The following NPAT variants were observed in gnomAD, a reference collection of about 807,000 sequenced individuals.
The protein encoded by NPAT is nuclear protein, coactivator of histone transcription.
A neutral mutation model predicts 130.7 loss-of-function variants in NPAT; 52 were observed. The ratio of observed to expected loss-of-function variants is 0.40; its 90% CI spans 0.32 to 0.50. The LOEUF (loss-of-function observed/expected upper bound fraction) is 0.50. NPAT is among the 20% of genes least tolerant of loss of function. NPAT has a pLI of 0.68. For synonymous variants in NPAT, 580 were observed against 584.8 expected, an observed-to-expected ratio of 0.99 and a Z score of 0.12; for missense variants, 1,687 against 1,662.6, an observed-to-expected ratio of 1.01 and a Z score of -0.26.
At chr11:108,214,094 G>A (rs1328738677) in intron 1 of NPAT, among the ~76,000 whole-genome samples, 1 of 152,106 alleles carries the variant, frequency 6.6e-6, no homozygotes. Flanking sequence ...GGGTGTCTCA[G>A]TATGCTGCCC....
intron 1 of NPAT, among the ~76,000 whole-genome samples, chr11:108,198,432 T>C (rs998930868): frequency 2.0e-5 from 3 of 152,166 alleles, no homozygotes; most frequent in Non-Finnish European, 4.4e-5. Context: ...TAGAAAATTA[T>C]GAGAATAATC....
rs772693402 is a variant in NPAT at position 108,161,894 on chromosome 11, G to C, written c.3192C>G (p.Leu1064=). Residue 1064 remains leucine, a synonymous_variant, in exon 17 of 18, where the codon CTC becomes CTG. Transcript: ENST00000278612. ...PAAKPCHRRV[L]CFDSTTAPVA... ...CAGGAGCAGTAGTGCTGTCGAAACA[G>C]AGTACACGTCTGTGGCATGGTTTAG... 2 of 1,613,932 alleles carry C rather than the reference G, an allele frequency of 1.2e-6. No homozygotes were observed. Among genetic ancestry groups the C allele is most frequent in the Non-Finnish European group, 1.7e-6 (2 of 1,179,918 alleles).
At chr11:108,167,785 T>C (rs1229406417) in intron 15 of NPAT, among the ~76,000 whole-genome samples, 1 of 152,230 alleles carries the variant, frequency 6.6e-6, no homozygotes, top group Middle Eastern at 3.2e-3. Flanking sequence ...TGTTTTTTTC[T>C]GGTATCAACT....
At chr11:108,207,211 G>T (rs755760613) in intron 1 of NPAT, among the ~76,000 whole-genome samples, 3 of 152,240 alleles carry the variant, frequency 2.0e-5, no homozygotes, top group Non-Finnish European at 4.4e-5. Context: ...TGAGTCTGGG[G>T]TTTTTATGGA....
At chr11:108,188,244 G>A in intron 6 of NPAT, 65 bp from the exon 7 acceptor site, 1 of 1,165,878 alleles carries the variant, frequency 8.6e-7, no homozygotes, top group Non-Finnish European at 1.3e-6. Flanking sequence ...CTTGTAATGG[G>A]ATAAAAAGCA....
chr11:108,213,554 C>A (rs1483212864), intron 1 of NPAT, among the ~76,000 whole-genome samples: 1 of 152,144 alleles, frequency 6.6e-6, no homozygotes, highest in Non-Finnish European at 1.5e-5. Context: ...CTGAAAGGTT[C>A]AATATTGTTA....
chr11:108,222,540 C>G lies in NPAT; in HGVS notation c.-4G>C, dbSNP rs758245923. The G allele has an allele frequency of 6.2e-7, 1 of 1,613,896 alleles. No homozygotes were observed. Among genetic ancestry groups the G allele is most frequent in the Non-Finnish European group, 8.5e-7 (1 of 1,179,928 alleles). ...CTACGTCCGAGGGTAACAACATGATCAAAACCACAGCAGGAACCACAATAA... is the reference window on the plus strand; with the variant it reads ...CTACGTCCGAGGGTAACAACATGATGAAAACCACAGCAGGAACCACAATAA... On this transcript the variant is annotated 5_prime_UTR_variant, in exon 1 of 18. Coordinates refer to ENST00000278612, the MANE Select transcript of NPAT (RefSeq NM_002519.3).
chr11:108,159,047 A>G, intron 17 of NPAT, 28 bp from the exon 18 acceptor site: 2 of 1,505,146 alleles, frequency 1.3e-6, no homozygotes. Context: ...GAAAAAATAA[A>G]CTCAAAACAA....
chr11:108,208,160 AT>A (rs2134890580), intron 1 of NPAT, among the ~76,000 whole-genome samples: 1 of 152,302 alleles, frequency 6.6e-6, no homozygotes, highest in Admixed American at 6.5e-5. Flanking sequence ...TCCAATGAAC[AT>A]TTCCTTTGAG....
chr11:108,166,132 G>A (rs915965546), intron 15 of NPAT, among the ~76,000 whole-genome samples: 3 of 148,634 alleles, frequency 2.0e-5, no homozygotes, highest in Middle Eastern at 3.4e-3. Context: ...GGTGGCTCAC[G>A]CCTGTAATCC....
At chr11:108,213,100 C>T (rs910298519) in intron 1 of NPAT, among the ~76,000 whole-genome samples, 5 of 151,974 alleles carry the variant, frequency 3.3e-5, no homozygotes, top group African/African-American at 9.7e-5. Flanking sequence ...ATGGAGAAAC[C>T]CTGGTGCTAC....
At chr11:108,193,094 C>T (rs1383042153) in intron 3 of NPAT, among the ~76,000 whole-genome samples, 2 of 152,166 alleles carry the variant, frequency 1.3e-5, no homozygotes, top group African/African-American at 2.4e-5. Context: ...TTCTTTAGTG[C>T]TAATTGTTTT....
At chr11:108,196,191 G>C (rs1425528375) in intron 2 of NPAT, among the ~76,000 whole-genome samples, 1 of 152,180 alleles carries the variant, frequency 6.6e-6, no homozygotes, top group African/African-American at 2.4e-5. Flanking sequence ...ATGGATGTCT[G>C]AGTGTTCCAG....
rs2078014210 is a variant in NPAT, at chr11:108,177,054, T to C, written c.943A>G (p.Ile315Val). Residue 315 changes from isoleucine to valine, a missense_variant, in exon 11 of 18, where the codon ATA becomes GTA. Around this residue, in one of 3 missense-constraint regions of NPAT, gnomAD observed 1,379 missense variants for 1,346.6 expected, o/e 1.02. Coordinates refer to ENST00000278612, the MANE Select transcript of NPAT (RefSeq NM_002519.3). ...IHMSEEAIQD[I>V]LEQTESDPAF... Reference sequence around the variant, plus strand: ...GGGTCTGATTCTGTCTGTTCCAATATGTCCTGTATAGCTTCTTCAGACATG... The same window carrying C: ...GGGTCTGATTCTGTCTGTTCCAATACGTCCTGTATAGCTTCTTCAGACATG... 1 of 1,613,356 alleles carries C rather than the reference T, an allele frequency of 6.2e-7. No homozygotes were observed. Among genetic ancestry groups the C allele is most frequent in the Admixed American group, 1.7e-5 (1 of 60,018 alleles).
chr11:108,197,883 C>A (rs755121530), intron 1 of NPAT, among the ~76,000 whole-genome samples: 2 of 152,212 alleles, frequency 1.3e-5, no homozygotes. Flanking sequence ...AAGACCTACT[C>A]TGCATGAAAG....
chr11:108,209,281 A>C (rs2078360197), intron 1 of NPAT, among the ~76,000 whole-genome samples: 1 of 152,078 alleles, frequency 6.6e-6, no homozygotes, highest in Non-Finnish European at 1.5e-5. Flanking sequence ...CTCCATGTCA[A>C]AAATAAATAA....
Position 108,173,769 on chromosome 11 carries a change from A to T in NPAT, c.1215T>A (p.His405Gln). The T allele has an allele frequency of 6.2e-7, 1 of 1,614,110 alleles. No individual in the cohort carries two copies. The highest frequency in any genetic ancestry group is 1.1e-5 in the South Asian group (1 of 91,084). The change falls in exon 13 of 18, where the codon CAT (histidine) becomes CAA (glutamine). Residue 405 changes from histidine (H) to glutamine (Q), a missense_variant. Coordinates refer to ENST00000278612, the MANE Select transcript of NPAT (RefSeq NM_002519.3). ...PLNALKNSNN[H>Q]DVLRQEDQEN... ...CCTGGTCTTCTTGTCTAAGCACATCATGGTTGTTGCTATTCTTCAAAGCAT... is the reference window on the plus strand; with the variant it reads ...CCTGGTCTTCTTGTCTAAGCACATCTTGGTTGTTGCTATTCTTCAAAGCAT...
At chr11:108,199,196 G>A (rs2078251679) in intron 1 of NPAT, among the ~76,000 whole-genome samples, 1 of 152,218 alleles carries the variant, frequency 6.6e-6, no homozygotes, top group African/African-American at 2.4e-5. Context: ...GGCAACAGCT[G>A]GGGCTCTGTG....
chr11:108,174,267 C>T (rs567374157), intron 12 of NPAT, among the ~76,000 whole-genome samples: 1 of 152,060 alleles, frequency 6.6e-6, no homozygotes, highest in Non-Finnish European at 1.5e-5. Flanking sequence ...TGAGCCACCA[C>T]ACCCAACTTA....
Sources: gnomAD v4.1 joint callset for allele counts (sites outside exome capture counted in the v4.1 genomes callset) on GRCh38, gnomAD v4.1.1 for gene constraint, gnomAD v4.1.1 regional missense constraint, MANE v1.5 for transcripts, NCBI Gene and HGNC (gene_info 2026-07-23, HGNC 2026-07-21) for gene names.